Variants in RARA observed in about 807,000 individuals in gnomAD.
RARA encodes PML-DDX5-RARA fusion.
RARA carries 5 observed loss-of-function variants against 42.8 expected under a neutral mutation model. That is an observed-to-expected ratio of 0.12 (90% CI 0.06 to 0.25). The LOEUF (loss-of-function observed/expected upper bound fraction) is 0.25, where lower values mean the gene tolerates loss of function less well. RARA is among the 10% of genes least tolerant of loss of function. The pLI, the probability that RARA is intolerant of heterozygous loss-of-function variation, is 1.00. For missense variants in RARA, 402 were observed against 628.7 expected (o/e 0.64, Z 3.86); for synonymous variants, 256 against 259.5 (o/e 0.99, Z 0.13).
intron 2 of RARA, chr17:40,341,621 T>C: frequency 3.7e-6 from 5 of 1,350,674 alleles, no homozygotes; most frequent in Non-Finnish European, 3.8e-6. Context: ...CAGCGGTGGG[T>C]GGGTCACTCG....
At position 40,331,118 on chromosome 17, in the gene RARA, C is replaced by T; in HGVS notation, c.-101C>T. ...GGCGGGTGGGCTGACCACCCAAACCCCATCTGGGCCCAGGCCCCATGCCCC... is the reference window on the plus strand; with the variant it reads ...GGCGGGTGGGCTGACCACCCAAACCTCATCTGGGCCCAGGCCCCATGCCCC... On this transcript the variant is annotated 5_prime_UTR_variant, in exon 2 of 9. Coordinates refer to ENST00000254066, the MANE Select transcript of RARA (RefSeq NM_000964.4). 7.3e-7 allele frequency: 1 copy of T among 1,372,570 alleles called. No homozygotes were observed. The highest frequency in any genetic ancestry group is 9.8e-7 in the Non-Finnish European group (1 of 1,015,536). The allele number at this position is 1,372,570 out of a possible 1,614,324, so 85.0% of individuals were successfully genotyped here.
At position 40,356,441 on chromosome 17, in the gene RARA, G is replaced by A. The variant is rs538792963; in HGVS notation, c.*215G>A. 151 of 716,986 alleles carry A rather than the reference G, an allele frequency of 2.1e-4. No individual in the cohort carries two copies. The highest frequency in any genetic ancestry group is 1.9e-3 in the African/African-American group (112 of 57,646). The allele number at this position is 716,986 out of a possible 1,614,324, so 44.4% of individuals were successfully genotyped here. ...GCCTGCTCCCACAGCCTGGGCTGAC[G>A]TCAGAGGCCGAGGCCAGGAACTGAG... On this transcript the variant is annotated 3_prime_UTR_variant, in exon 9 of 9. Transcript: ENST00000254066.
chr17:40,341,198 G>C, intron 2 of RARA: 1 of 637,088 alleles, frequency 1.6e-6, no homozygotes, highest in African/African-American at 1.9e-5. Flanking sequence ...GAAGGCACCA[G>C]CTCTTCCTTT....
intron 2 of RARA, among the ~76,000 whole-genome samples, chr17:40,332,234 G>A (rs533142459): frequency 2.7e-4 from 41 of 152,154 alleles, no homozygotes; most frequent in African/African-American, 9.2e-4. Flanking sequence ...CCAGCTGGGC[G>A]CCAGGCCAGG....
At chr17:40,347,398 C>T (rs2034302330) in intron 2 of RARA, among the ~76,000 whole-genome samples, 2 of 152,186 alleles carry the variant, frequency 1.3e-5, no homozygotes, top group Admixed American at 1.3e-4. Flanking sequence ...TGGATAGCCC[C>T]TACCCAACCC....
In RARA at chr17:40,352,203, C is replaced by G. The variant is rs1381236840; in HGVS notation, c.631-128C>G. On this transcript the variant is annotated intron_variant, in intron 5 of 8. Transcript: ENST00000254066. This position sits in a 1 kb window ranked among gnomAD's most constrained non-coding sequence, Gnocchi z 4.9. ...TCCCTTCCCCTCTCTTCTCCCTCCT[C>G]CTGCTGCCTCTTCCCAAGGAGCTCC... is the stretch of plus-strand genomic sequence containing the variant. 2.1e-5 allele frequency: 31 copies of G among 1,497,208 alleles called. No individual in the cohort carries two copies. The highest frequency in any genetic ancestry group is 1.8e-4 in the Middle Eastern group (1 of 5,602). 92.7% of individuals were successfully genotyped at this position (1,497,208 alleles called of 1,614,324 possible). A position where few individuals can be genotyped will look rare whatever the true frequency, so the allele number is the denominator to read the frequency against.
intron 2 of RARA, 52 bp from the exon 3 acceptor site, chr17:40,348,264 C>T (rs1236411548): frequency 6.6e-7 from 1 of 1,505,926 alleles, no homozygotes; most frequent in South Asian, 1.3e-5. Context: ...GAGCTTGGTA[C>T]TAAGGATGGC....
At chr17:40,313,637 G>T (rs1300967290) in intron 1 of RARA, among the ~76,000 whole-genome samples, 1 of 152,072 alleles carries the variant, frequency 6.6e-6, no homozygotes, top group Non-Finnish European at 1.5e-5. Context: ...CCTGGAAGGA[G>T]GTGTTCCAGA....
chr17:40,343,056 C>T, intron 2 of RARA: 1 of 1,215,696 alleles, frequency 8.2e-7, no homozygotes, highest in Non-Finnish European at 1.1e-6. Context: ...ACCCTAAGTG[C>T]AATTTGTGTT....
intron 2 of RARA, 162 bp from the exon 3 acceptor site, chr17:40,348,154 C>A: frequency 2.3e-6 from 2 of 866,078 alleles, no homozygotes; most frequent in Non-Finnish European, 3.3e-6. Context: ...AGCCTCCTGC[C>A]CTGAGTCTGG....
intron 4 of RARA, among the ~76,000 whole-genome samples, chr17:40,350,973 G>A (rs1443143236): frequency 6.6e-6 from 1 of 150,944 alleles, no homozygotes; most frequent in Non-Finnish European, 1.5e-5. Flanking sequence ...CCCTCCCACC[G>A]CCAACTCCCC....
chr17:40,340,648 A>G (rs2034006265), intron 2 of RARA, among the ~76,000 whole-genome samples: 1 of 152,162 alleles, frequency 6.6e-6, no homozygotes, highest in African/African-American at 2.4e-5. Flanking sequence ...TCCCTAATTT[A>G]GTTAAACCTA....
intron 2 of RARA, among the ~76,000 whole-genome samples, chr17:40,336,211 G>A (rs1321229095): frequency 6.6e-6 from 1 of 151,982 alleles, no homozygotes; most frequent in East Asian, 1.9e-4. Flanking sequence ...CTGAGTAGCT[G>A]GGATTACAGG....
intron 2 of RARA, among the ~76,000 whole-genome samples, chr17:40,343,997 C>G (rs2034166063): frequency 6.6e-6 from 1 of 151,984 alleles, no homozygotes; most frequent in Admixed American, 6.6e-5. Flanking sequence ...CCCTCCTGGG[C>G]TTTGGGCTCT....
intron 1 of RARA, among the ~76,000 whole-genome samples, chr17:40,315,130 GTGTA>G (rs1179137893): frequency 0.014 from 751 of 53,946 alleles, 14 homozygotes; most frequent in African/African-American, 0.036. Flanking sequence ...ATGCTTATAT[GTGTA>G]TATATATATA....
chr17:40,322,728 G>A (rs999870817), intron 1 of RARA, among the ~76,000 whole-genome samples: 2 of 152,006 alleles, frequency 1.3e-5, no homozygotes, highest in Non-Finnish European at 2.9e-5. Flanking sequence ...TGGAAAAGAG[G>A]GGGGTTAAGG....
chr17:40,329,161 C>T (rs751040751), intron 1 of RARA, among the ~76,000 whole-genome samples: 6 of 150,182 alleles, frequency 4.0e-5, no homozygotes, highest in Non-Finnish European at 7.4e-5. Context: ...GAGATGGAGT[C>T]TCACTCTGTT....
intron 1 of RARA, among the ~76,000 whole-genome samples, chr17:40,329,734 G>A (rs1012221109): frequency 1.3e-5 from 2 of 152,224 alleles, no homozygotes; most frequent in South Asian, 2.1e-4. Context: ...GATTACAGGC[G>A]TGAGCCACCG....
intron 3 of RARA, chr17:40,348,898 C>T (rs574122454): frequency 6.3e-4 from 100 of 159,348 alleles, no homozygotes; most frequent in Non-Finnish European, 7.5e-4. Context: ...TTCAGGTGCC[C>T]GGGCTGTGGG....
Sources: gnomAD v4.1 joint callset for allele counts (sites outside exome capture counted in the v4.1 genomes callset) on GRCh38, gnomAD v4.1.1 for gene constraint, Gnocchi (gnomAD v3.1) non-coding constraint, MANE v1.5 for transcripts, NCBI Gene and HGNC (gene_info 2026-07-23, HGNC 2026-07-21) for gene names.